CSMD2: variants seen among roughly 807,000 people sequenced by gnomAD.
The protein encoded by CSMD2 is CUB and sushi domain-containing protein 2.
CSMD2 carries 130 observed loss-of-function variants against 398.5 expected under a neutral mutation model. The ratio of observed to expected loss-of-function variants is 0.33; its 90% CI spans 0.28 to 0.38. The LOEUF (loss-of-function observed/expected upper bound fraction) is 0.38, where lower values mean the gene tolerates loss of function less well. Ranked by LOEUF, CSMD2 falls within the 10% of genes least tolerant of loss-of-function variation. The pLI, the probability that CSMD2 is intolerant of heterozygous loss-of-function variation, is 1.00. For missense variants in CSMD2, 3,829 were observed against 4,764.9 expected (o/e 0.80, Z 5.78); for synonymous variants, 1,828 against 1,908.5 (o/e 0.96, Z 1.10).
In CSMD2 at chr1:33,782,211, G is replaced by A. The variant is rs568465379; in HGVS notation, c.1663+6389C>T. Among the ~76,000 whole-genome samples the A allele has an allele frequency of 1.6e-4, 24 of 152,030 alleles. No individual in the cohort carries two copies. The South Asian group carries it at 4.8e-3, about 30-fold the overall frequency. On this transcript the variant is annotated intron_variant, in intron 12 of 70. Transcript: ENST00000373381. ...CCCCCCAACCCCTGCTCGTTCCTGA[G>A]TCGAGATGTCTATCCTGTGTGGAAC...
intron 3 of CSMD2, among the ~76,000 whole-genome samples, chr1:34,031,983 C>T (rs556109143): frequency 6.6e-6 from 1 of 152,108 alleles, no homozygotes; most frequent in Non-Finnish European, 1.5e-5. Flanking sequence ...GAAGTACCAC[C>T]TTCTGAACAT....
At chr1:33,907,363 G>A (rs1191572840) in intron 5 of CSMD2, among the ~76,000 whole-genome samples, 2 of 151,408 alleles carry the variant, frequency 1.3e-5, no homozygotes, top group Non-Finnish European at 2.9e-5. Context: ...TCCTGACCTC[G>A]TGATCCGCCC....
intron 1 of CSMD2, among the ~76,000 whole-genome samples, chr1:34,157,559 C>T (rs1054972062): frequency 6.6e-6 from 1 of 151,046 alleles, no homozygotes; most frequent in African/African-American, 2.4e-5. Context: ...ACTCCACCCA[C>T]CCCATCTTAT....
At chr1:33,774,284 C>T (rs369398879) in intron 12 of CSMD2, among the ~76,000 whole-genome samples, 6 of 152,276 alleles carry the variant, frequency 3.9e-5, no homozygotes, top group African/African-American at 1.4e-4. Flanking sequence ...CCCCTGGCCT[C>T]ACCCTCTACA....
intron 32 of CSMD2, among the ~76,000 whole-genome samples, chr1:33,630,560 A>G (rs1642409282): frequency 2.0e-5 from 3 of 152,180 alleles, no homozygotes; most frequent in African/African-American, 7.2e-5. Context: ...AAAGAGTGTG[A>G]TTGTAGAGCC....
At chr1:33,648,179 G>T (rs180804621) in intron 28 of CSMD2, among the ~76,000 whole-genome samples, 1 of 152,016 alleles carries the variant, frequency 6.6e-6, no homozygotes, top group Non-Finnish European at 1.5e-5. Context: ...TGACTAACAC[G>T]GTGAAACCCC....
Position 33,714,677 on chromosome 1 carries a change from A to T in CSMD2, c.3316T>A (p.Phe1106Ile). ...GVGDTLTFSCFPGYRLEGTAR... is the reference protein window; with the variant it reads ...GVGDTLTFSCIPGYRLEGTAR... The stretch of plus-strand genomic sequence containing the variant: ...GTGCCCTCCAGACGGTACCCGGGGA[A>T]GCAGGAGAAGGTCAAGGTGTCGCCC... Residue 1106 changes from phenylalanine to isoleucine, a missense_variant, in exon 21 of 71, where the codon TTC (phenylalanine) becomes ATC (isoleucine). By Grantham distance (21) the Phe-to-Ile change is conservative. Transcript: ENST00000373381. The T allele has an allele frequency of 6.2e-7, 1 of 1,614,028 alleles. No individual in the cohort carries two copies. Among genetic ancestry groups the T allele is most frequent in the Non-Finnish European group, 8.5e-7 (1 of 1,180,032 alleles).
intron 31 of CSMD2, among the ~76,000 whole-genome samples, chr1:33,634,342 C>A (rs1642666390): frequency 6.6e-6 from 1 of 152,218 alleles, no homozygotes. Context: ...TTGGCGAACG[C>A]CTCAAGCATC....
intron 5 of CSMD2, chr1:33,864,760 A>G (rs780430245): frequency 1.3e-6 from 2 of 1,590,060 alleles, no homozygotes; most frequent in Non-Finnish European, 1.7e-6. Context: ...TGATGGATCC[A>G]GTTTGAAAAA....
Position 33,571,534 on chromosome 1 carries a change from C to T in CSMD2, c.7955G>A (p.Arg2652Gln), listed in dbSNP as rs1000408473. 1.7e-5 allele frequency: 25 copies of T among 1,451,648 alleles called. No homozygotes were observed. Among genetic ancestry groups the T allele is most frequent in the Middle Eastern group, 2.4e-4 (1 of 4,158 alleles). The allele number at this position is 1,451,648 out of a possible 1,614,324, so 89.9% of individuals were successfully genotyped here. Reference sequence around the variant, plus strand: ...CCACCCTCCCTTCCTGGGCTTACTTCGGCAGGTGGGCGTAGAGTCCCCGAG... The same window carrying T: ...CCACCCTCCCTTCCTGGGCTTACTTTGGCAGGTGGGCGTAGAGTCCCCGAG... ...WSLGDSTPTC[R>Q]IISCGELPIP... The change falls in exon 51 of 71, where the codon CGA becomes CAA. Residue 2652 changes from arginine to glutamine, a missense_variant and splice_region_variant. By Grantham distance (43) the Arg-to-Gln change is conservative. Coordinates refer to ENST00000373381, the MANE Select transcript of CSMD2 (RefSeq NM_001281956.2).
intron 62 of CSMD2, among the ~76,000 whole-genome samples, chr1:33,535,232 A>C (rs566784732): frequency 1.3e-5 from 2 of 152,302 alleles, no homozygotes; most frequent in East Asian, 3.9e-4. Context: ...GCAACTTAAG[A>C]GCTATGGACA....
chr1:33,705,049 A>C (rs1645730782), intron 22 of CSMD2, among the ~76,000 whole-genome samples: 1 of 151,638 alleles, frequency 6.6e-6, no homozygotes, highest in Non-Finnish European at 1.5e-5. Flanking sequence ...AAATTTTTAG[A>C]TCTGTGATCA....
At chr1:33,951,471 A>G (rs1645005826) in intron 3 of CSMD2, among the ~76,000 whole-genome samples, 1 of 152,208 alleles carries the variant, frequency 6.6e-6, no homozygotes, top group African/African-American at 2.4e-5. Flanking sequence ...GGTGAGGCCA[A>G]ATGACCTTTA....
intron 25 of CSMD2, among the ~76,000 whole-genome samples, chr1:33,679,047 G>C (rs1644814925): frequency 6.6e-6 from 1 of 152,176 alleles, no homozygotes; most frequent in Non-Finnish European, 1.5e-5. Flanking sequence ...TGGAGGCTCT[G>C]AGACTGCCTA....
At chr1:33,553,776 A>T (rs1325476253) in intron 55 of CSMD2, among the ~76,000 whole-genome samples, 1 of 152,166 alleles carries the variant, frequency 6.6e-6, no homozygotes. Flanking sequence ...TATTGCCAAC[A>T]TGGAGAAAGT....
intron 51 of CSMD2, among the ~76,000 whole-genome samples, 156 bp downstream of exon 51, chr1:33,571,376 C>T (rs1280262297): frequency 6.6e-6 from 1 of 152,108 alleles, no homozygotes; most frequent in Non-Finnish European, 1.5e-5. Flanking sequence ...AGGCATTTTC[C>T]CAGCTCCTGA....
chr1:33,775,757 G>A (rs1557874888), intron 12 of CSMD2, among the ~76,000 whole-genome samples: 4 of 152,148 alleles, frequency 2.6e-5, no homozygotes, highest in Admixed American at 6.5e-5. Flanking sequence ...TAGAAATTCA[G>A]CTCATAGATT....
intron 64 of CSMD2, among the ~76,000 whole-genome samples, chr1:33,531,827 GCA>G (rs1655259382): frequency 6.6e-6 from 1 of 152,166 alleles, no homozygotes; most frequent in Non-Finnish European, 1.5e-5. Context: ...GGGGAAATGG[GCA>G]GTTATTGTTT....
chr1:33,602,181 G>A (rs1640269783), intron 43 of CSMD2, among the ~76,000 whole-genome samples, 188 bp downstream of exon 43: 1 of 152,190 alleles, frequency 6.6e-6, no homozygotes, highest in Non-Finnish European at 1.5e-5. Context: ...TCCCTTTAAG[G>A]AGCCATAATG....
Sources: allele counts gnomAD v4.1 joint callset (sites outside exome capture counted in the v4.1 genomes callset), GRCh38; gene constraint gnomAD v4.1.1; transcripts MANE v1.5; gene names NCBI Gene and HGNC (gene_info 2026-07-23, HGNC 2026-07-21).